Variants in PARM1 observed in about 807,000 individuals in gnomAD.
PARM1 encodes the protein prostate androgen-regulated mucin-like protein 1, also known as WSC4, cell wall integrity and stress response component 4 homolog.
A neutral mutation model predicts 24.6 loss-of-function variants in PARM1; 14 were observed. That is an observed-to-expected ratio of 0.57 (90% CI 0.38 to 0.89). The LOEUF is 0.89. PARM1 is among the 40% of genes least tolerant of loss of function. The pLI, the probability that PARM1 is intolerant of heterozygous loss-of-function variation, is 0.00. For synonymous variants in PARM1, 179 were observed against 156.6 expected (o/e 1.14, Z -1.07); for missense variants, 362 against 380.4 (o/e 0.95, Z 0.40).
chr4:75,013,773 T>G (rs1244513164), intron 2 of PARM1, among the ~76,000 whole-genome samples: 2 of 152,266 alleles, frequency 1.3e-5, no homozygotes, highest in African/African-American at 4.8e-5. Flanking sequence ...CAATAAATTT[T>G]ACAAGATGTC....
intron 2 of PARM1, among the ~76,000 whole-genome samples, chr4:75,023,789 A>C (rs1399105689): frequency 1.3e-5 from 2 of 152,222 alleles, no homozygotes; most frequent in Non-Finnish European, 2.9e-5. Flanking sequence ...GGGGGAAAAA[A>C]GGCTGAGCTG....
At chr4:75,017,154 T>A (rs1723004114) in intron 2 of PARM1, among the ~76,000 whole-genome samples, 1 of 152,180 alleles carries the variant, frequency 6.6e-6, no homozygotes, top group Admixed American at 6.5e-5. Context: ...CGTGTCACTT[T>A]AATATTCCTG....
chr4:74,948,826 G>A (rs1481214268), intron 1 of PARM1, among the ~76,000 whole-genome samples: 1 of 152,080 alleles, frequency 6.6e-6, no homozygotes, highest in East Asian at 1.9e-4. Flanking sequence ...TTCGAGACCA[G>A]CCTGGCCAAC....
chr4:75,032,390 ACTGTG>A (rs1723291232), intron 2 of PARM1, among the ~76,000 whole-genome samples: 1 of 152,206 alleles, frequency 6.6e-6, no homozygotes, highest in South Asian at 2.1e-4. Flanking sequence ...TTGCTTCTTA[ACTGTG>A]CTACAATTCT....
At chr4:75,002,421 C>T (rs1041013363) in intron 1 of PARM1, among the ~76,000 whole-genome samples, 2 of 152,068 alleles carry the variant, frequency 1.3e-5, no homozygotes, top group East Asian at 3.8e-4. Context: ...AACACCCAAA[C>T]TCAAAGACTT....
At chr4:74,975,895 A>G (rs1722131585) in intron 1 of PARM1, among the ~76,000 whole-genome samples, 1 of 152,202 alleles carries the variant, frequency 6.6e-6, no homozygotes, top group Non-Finnish European at 1.5e-5. Flanking sequence ...CAGCACAGGT[A>G]TTCAGGTTTT....
At chr4:75,000,173 A>G (rs367830236) in intron 1 of PARM1, among the ~76,000 whole-genome samples, 1 of 152,184 alleles carries the variant, frequency 6.6e-6, no homozygotes, top group African/African-American at 2.4e-5. Flanking sequence ...TTAGAAAATC[A>G]TTAGCAGTTA....
At chr4:74,989,504 T>A (rs1276388525) in intron 1 of PARM1, among the ~76,000 whole-genome samples, 1 of 152,180 alleles carries the variant, frequency 6.6e-6, no homozygotes, top group Non-Finnish European at 1.5e-5. Context: ...GGAGTTTCCA[T>A]GCCCTCTCTG....
At chr4:74,996,538 G>A (rs1327498367) in intron 1 of PARM1, among the ~76,000 whole-genome samples, 2 of 151,766 alleles carry the variant, frequency 1.3e-5, no homozygotes, top group African/African-American at 4.8e-5. Context: ...TATTGAATTT[G>A]GTGATAAAAT....
intron 1 of PARM1, among the ~76,000 whole-genome samples, chr4:74,972,677 A>T (rs75536598): frequency 3.3e-5 from 5 of 149,846 alleles, no homozygotes; most frequent in Non-Finnish European, 7.4e-5. Flanking sequence ...CGGTAAATAC[A>T]CAAAGTAGTA....
At chr4:74,997,623 A>T (rs1459276023) in intron 1 of PARM1, 4 of 152,196 alleles carry the variant, frequency 2.6e-5, no homozygotes, top group Non-Finnish European at 4.4e-5. Context: ...AGACTTACTG[A>T]CTTTGAATGT....
intron 1 of PARM1, among the ~76,000 whole-genome samples, chr4:74,966,560 A>T (rs1317620335): frequency 6.6e-6 from 1 of 152,182 alleles, no homozygotes; most frequent in Admixed American, 6.5e-5. Context: ...ACTTGGCAGA[A>T]TTCTTGCTGA....
At chr4:74,965,289 T>A (rs1721874287) in intron 1 of PARM1, 2 of 152,232 alleles carry the variant, frequency 1.3e-5, no homozygotes, top group Admixed American at 6.5e-5. Context: ...GCGCAGATAG[T>A]CTTCAGAAGG....
chr4:74,958,518 G>T (rs774548680), intron 1 of PARM1, among the ~76,000 whole-genome samples: 3 of 152,152 alleles, frequency 2.0e-5, no homozygotes, highest in Non-Finnish European at 4.4e-5. Flanking sequence ...AAAAGCTGGG[G>T]GTAGAGGAGT....
chr4:74,946,456 T>C (rs1041172847), intron 1 of PARM1, among the ~76,000 whole-genome samples: 1 of 152,230 alleles, frequency 6.6e-6, no homozygotes, highest in African/African-American at 2.4e-5. Context: ...ATTTAGGCCA[T>C]GCCAAATTGC....
chr4:75,000,264 G>A (rs546819068), intron 1 of PARM1, among the ~76,000 whole-genome samples: 1 of 152,310 alleles, frequency 6.6e-6, no homozygotes, highest in South Asian at 2.1e-4. Flanking sequence ...AGCTCTTTGT[G>A]TTAGGCATTG....
intron 1 of PARM1, among the ~76,000 whole-genome samples, chr4:74,996,071 TC>T (rs1722571858): frequency 6.6e-6 from 1 of 152,116 alleles, no homozygotes; most frequent in African/African-American, 2.4e-5. Flanking sequence ...CCACTATTCT[TC>T]CTGGACTGAC....
intron 3 of PARM1, among the ~76,000 whole-genome samples, chr4:75,034,388 A>G (rs1028353783): frequency 1.3e-5 from 2 of 152,210 alleles, no homozygotes; most frequent in South Asian, 2.1e-4. Context: ...TTTGTACCCA[A>G]TCTGTTAATG....
At chr4:74,948,757 T>C (rs188174009) in intron 1 of PARM1, among the ~76,000 whole-genome samples, 3 of 152,304 alleles carry the variant, frequency 2.0e-5, no homozygotes. Context: ...GTGCCTTGGC[T>C]CATGCCTGTA....
Sources: gnomAD v4.1 joint callset for allele counts (sites outside exome capture counted in the v4.1 genomes callset) on GRCh38, gnomAD v4.1.1 for gene constraint, MANE v1.5 for transcripts, NCBI Gene and HGNC (gene_info 2026-07-23, HGNC 2026-07-21) for gene names.